TCF20: variants seen among roughly 807,000 people sequenced by gnomAD.
The protein encoded by TCF20 is SPRE-binding protein.
Under a neutral mutation model 148.6 loss-of-function variants are expected in TCF20, and 3 were observed. That is an observed-to-expected ratio of 0.02 (90% CI 0.01 to 0.05). TCF20 has a LOEUF of 0.05. Ranked by LOEUF, TCF20 falls within the 10% of genes least tolerant of loss-of-function variation. The probability of loss-of-function intolerance (pLI) is 1.00; values close to 1 mark genes in which losing one functional copy is unlikely to be tolerated. For synonymous variants in TCF20, 1,049 were observed against 909.5 expected (o/e 1.15, Z -2.76); for missense variants, 2,350 against 2,429.3 (o/e 0.97, Z 0.69).
chr22:42,312,562 G>C (rs538299600), intron 1 of TCF20, among the ~76,000 whole-genome samples: 7 of 152,210 alleles, frequency 4.6e-5, no homozygotes, highest in Admixed American at 4.6e-4. Flanking sequence ...GGGGATCAAA[G>C]CCCAAGGTGA....
chr22:42,239,124 GAAAAAA>G (rs892268967), intron 1 of TCF20, among the ~76,000 whole-genome samples: 3 of 140,902 alleles, frequency 2.1e-5, no homozygotes, highest in Non-Finnish European at 4.7e-5. Context: ...TCTCAAAAAA[GAAAAAA>G]AAAAGTAACA....
chr22:42,161,670 A>C (rs1467196111), intron 5 of TCF20, among the ~76,000 whole-genome samples: 1 of 152,230 alleles, frequency 6.6e-6, no homozygotes, highest in African/African-American at 2.4e-5. Flanking sequence ...CCCTGACCTC[A>C]GGGCAGGCCC....
intron 1 of TCF20, among the ~76,000 whole-genome samples, chr22:42,281,462 G>A (rs987008864): frequency 1.3e-5 from 2 of 152,124 alleles, no homozygotes; most frequent in Non-Finnish European, 2.9e-5. Context: ...CACTGTCGCC[G>A]CCTCTCCCCA....
At chr22:42,287,564 G>A (rs571433536), upstream of TCF20, among the ~76,000 whole-genome samples, 3 of 152,076 alleles carry the variant, frequency 2.0e-5, no homozygotes, top group Admixed American at 6.6e-5. Context: ...TACTGTTCCC[G>A]GCACTGAGGA....
chr22:42,326,325 A>G (rs552445686), intron 1 of TCF20, among the ~76,000 whole-genome samples: 1 of 152,236 alleles, frequency 6.6e-6, no homozygotes, highest in East Asian at 1.9e-4. Flanking sequence ...AGTGTTCCCC[A>G]GTAAACCTCT....
chr22:42,201,881 C>CT (rs1866340567), intron 2 of TCF20, among the ~76,000 whole-genome samples: 1 of 152,232 alleles, frequency 6.6e-6, no homozygotes, highest in Non-Finnish European at 1.5e-5. Context: ...AATGTTAATG[C>CT]TTTTACTTAA....
At chr22:42,165,023 T>C (rs1416593650) in intron 5 of TCF20, among the ~76,000 whole-genome samples, 2 of 152,134 alleles carry the variant, frequency 1.3e-5, no homozygotes, top group Admixed American at 1.3e-4. Context: ...GGGACAGGAC[T>C]GGAGGGAGGC....
intron 2 of TCF20, among the ~76,000 whole-genome samples, chr22:42,194,499 AT>A (rs1182698640): frequency 6.6e-6 from 1 of 151,926 alleles, no homozygotes; most frequent in Non-Finnish European, 1.5e-5. Context: ...CTTAACGCTT[AT>A]CCCTGTCCTG....
At chr22:42,251,606 G>T (rs1005893069) in intron 1 of TCF20, among the ~76,000 whole-genome samples, 1 of 137,324 alleles carries the variant, frequency 7.3e-6, no homozygotes, top group Middle Eastern at 4.1e-3. Flanking sequence ...ATGTTCAAGT[G>T]ATTCTCGTGC....
chr22:42,285,213 T>G (rs974234900), upstream of TCF20, among the ~76,000 whole-genome samples: 1 of 152,098 alleles, frequency 6.6e-6, no homozygotes, highest in Non-Finnish European at 1.5e-5. This position sits in a 1 kb window ranked among gnomAD's most constrained non-coding sequence, Gnocchi z 4.2. Flanking sequence ...TGCCCCAAAC[T>G]TGGCACACGC....
At chr22:42,329,212 A>G (rs1404474338) in intron 1 of TCF20, among the ~76,000 whole-genome samples, 2 of 152,216 alleles carry the variant, frequency 1.3e-5, no homozygotes, top group East Asian at 3.9e-4. Flanking sequence ...AAGGAGTCAG[A>G]AGAGCGGTGG....
chr22:42,308,025 A>G (rs1325352675), intron 1 of TCF20, among the ~76,000 whole-genome samples: 1 of 152,216 alleles, frequency 6.6e-6, no homozygotes, highest in Non-Finnish European at 1.5e-5. Flanking sequence ...ATCTGCTTAA[A>G]AATATATGCC....
intron 1 of TCF20, among the ~76,000 whole-genome samples, chr22:42,278,011 G>A (rs1217224948): frequency 6.6e-6 from 1 of 152,256 alleles, no homozygotes; most frequent in East Asian, 1.9e-4. Flanking sequence ...ATTTCCCTGC[G>A]AAGGAGCAGG....
intron 3 of TCF20, 79 bp from the exon 4 acceptor site, chr22:42,169,975 G>T: frequency 6.8e-7 from 1 of 1,462,660 alleles, no homozygotes. Context: ...GGATTGACAG[G>T]GTCAGACATA....
intron 1 of TCF20, among the ~76,000 whole-genome samples, chr22:42,247,097 T>C (rs1051546454): frequency 4.6e-5 from 7 of 152,002 alleles, no homozygotes; most frequent in Admixed American, 4.6e-4. Context: ...TTAGATTTCA[T>C]GGAGAAAAGT....
intron 1 of TCF20, among the ~76,000 whole-genome samples, chr22:42,322,968 G>A (rs978803956): frequency 6.6e-6 from 1 of 151,086 alleles, no homozygotes; most frequent in African/African-American, 2.4e-5. Context: ...GTGCAATGGT[G>A]CGATCTCAGC....
chr22:42,204,296 G>A (rs1356376413), intron 2 of TCF20, among the ~76,000 whole-genome samples: 5 of 152,188 alleles, frequency 3.3e-5, no homozygotes, highest in South Asian at 4.1e-4. Flanking sequence ...GGAGTTCAAG[G>A]CCAGCTTGGC....
At chr22:42,205,749 T>C (rs1244441429) in intron 2 of TCF20, among the ~76,000 whole-genome samples, 1 of 152,172 alleles carries the variant, frequency 6.6e-6, no homozygotes, top group East Asian at 1.9e-4. Context: ...GTACATCAGC[T>C]CAAAGAGACA....
At chr22:42,174,464 C>T (rs183409381) in intron 3 of TCF20, among the ~76,000 whole-genome samples, 7 of 152,324 alleles carry the variant, frequency 4.6e-5, no homozygotes, top group African/African-American at 1.4e-4. Context: ...CCTGTCAGCA[C>T]ACCCTAATGT....
Sources: allele counts gnomAD v4.1 joint callset (sites outside exome capture counted in the v4.1 genomes callset), GRCh38; gene constraint gnomAD v4.1.1; non-coding constraint Gnocchi (gnomAD v3.1); transcripts MANE v1.5; gene names NCBI Gene and HGNC (gene_info 2026-07-23, HGNC 2026-07-21).